Variants in FARP1 observed in about 807,000 individuals in gnomAD.
The protein encoded by FARP1 is FERM, ARH/RhoGEF and pleckstrin domain protein 1, also known as FERM, ARHGEF and pleckstrin domain-containing protein 1.
A neutral mutation model predicts 128.8 loss-of-function variants in FARP1; 52 were observed. That is an observed-to-expected ratio of 0.40 (90% CI 0.32 to 0.51). The LOEUF (loss-of-function observed/expected upper bound fraction) is 0.51. Ranked by LOEUF, FARP1 falls within the 20% of genes least tolerant of loss-of-function variation. The pLI, the probability that FARP1 is intolerant of heterozygous loss-of-function variation, is 0.45. For synonymous variants in FARP1, 580 were observed against 551.8 expected, an observed-to-expected ratio of 1.05 and a Z score of -0.72; for missense variants, 1,333 against 1,367.9, an observed-to-expected ratio of 0.97 and a Z score of 0.40.
chr13:98,299,833 C>T (rs1019937586), intron 2 of FARP1, among the ~76,000 whole-genome samples: 1 of 152,172 alleles, frequency 6.6e-6, no homozygotes, highest in South Asian at 2.1e-4. Flanking sequence ...TTTTAATAAT[C>T]GGTACATTTA....
Position 98,343,757 on chromosome 13 carries a change from C to A in FARP1, c.172-5C>A, listed in dbSNP as rs369963967. On this transcript the variant is annotated splice_polypyrimidine_tract_variant and splice_region_variant and intron_variant, in intron 2 of 26. Transcript: ENST00000319562. Reference sequence around the variant, plus strand: ...AGGGATAACCCCTGTTGTTTCTGCTCACAGCAAAGAGCTCCTGGGAAGGTG... The same window carrying A: ...AGGGATAACCCCTGTTGTTTCTGCTAACAGCAAAGAGCTCCTGGGAAGGTG... 1.2e-6 allele frequency: 2 copies of A among 1,608,872 alleles called. No individual in the cohort carries two copies. Among genetic ancestry groups the A allele is most frequent in the Non-Finnish European group, 1.7e-6 (2 of 1,175,276 alleles).
chr13:98,218,520 C>T (rs1428123703), intron 2 of FARP1, among the ~76,000 whole-genome samples: 2 of 152,178 alleles, frequency 1.3e-5, no homozygotes, highest in Non-Finnish European at 1.5e-5. Flanking sequence ...ATTCTCCAGA[C>T]AGATGGTAAA....
At chr13:98,172,276 T>A (rs1315745989) in intron 1 of FARP1, among the ~76,000 whole-genome samples, 2 of 136,244 alleles carry the variant, frequency 1.5e-5, no homozygotes, top group African/African-American at 2.8e-5. Flanking sequence ...CGGCCCAGAG[T>A]GCTTGGAAGG....
intron 2 of FARP1, chr13:98,244,410 CTTTA>C (rs1882945556): frequency 7.6e-7 from 1 of 1,309,326 alleles, no homozygotes; most frequent in African/African-American, 1.5e-5. Flanking sequence ...TGCTGTGTCT[CTTTA>C]TTGTTACTGT....
At chr13:98,374,849 A>T (rs1489112255) in intron 5 of FARP1, among the ~76,000 whole-genome samples, 1 of 152,240 alleles carries the variant, frequency 6.6e-6, no homozygotes, top group Non-Finnish European at 1.5e-5. Flanking sequence ...GGGAGCTGGC[A>T]TGTGCAGAGA....
Position 98,437,645 on chromosome 13 carries a change from T to C in FARP1, c.2275-1159T>C, listed in dbSNP as rs992396580. 14 of 618,130 alleles carry C rather than the reference T, an allele frequency of 2.3e-5. 1 individual carries two copies. Among genetic ancestry groups the C allele is most frequent in the African/African-American group, 1.6e-4 (9 of 55,216 alleles). The allele number at this position is 618,130 out of a possible 1,614,324, so 38.3% of individuals were successfully genotyped here. A position where few individuals can be genotyped will look rare whatever the true frequency, so the allele number is the denominator to read the frequency against. On this transcript the variant is annotated intron_variant, in intron 19 of 26. Transcript: ENST00000319562. ...TTTCTATCAGCCAAGGCTCTGGTGA[T>C]AGCTGGGCGCAGGAAGATGGTGAGT...
chr13:98,424,713 G>A (rs1891715044), intron 17 of FARP1, 63 bp downstream of exon 17: 2 of 1,114,150 alleles, frequency 1.8e-6, no homozygotes, highest in Admixed American at 1.7e-5. Context: ...GGGCTGCCAT[G>A]GGCATAGGCT....
At chr13:98,259,270 A>G (rs1039748704) in intron 2 of FARP1, among the ~76,000 whole-genome samples, 1 of 150,496 alleles carries the variant, frequency 6.6e-6, no homozygotes, top group Non-Finnish European at 1.5e-5. Flanking sequence ...TATATAGAGT[A>G]TATGTATATA....
chr13:98,182,809 C>T (rs1878622479), intron 1 of FARP1, among the ~76,000 whole-genome samples: 1 of 152,204 alleles, frequency 6.6e-6, no homozygotes, highest in Non-Finnish European at 1.5e-5. Flanking sequence ...TCTTTTTTAG[C>T]ACTGGATATT....
At chr13:98,222,508 C>T (rs1456544859) in intron 2 of FARP1, among the ~76,000 whole-genome samples, 2 of 152,162 alleles carry the variant, frequency 1.3e-5, no homozygotes, top group Non-Finnish European at 2.9e-5. Flanking sequence ...GGACCACATA[C>T]ACCTAAGCCT....
intron 2 of FARP1, among the ~76,000 whole-genome samples, chr13:98,311,583 GCA>G (rs1886461608): frequency 6.6e-6 from 1 of 151,130 alleles, no homozygotes; most frequent in Admixed American, 6.6e-5. Flanking sequence ...GTGTGTGTGT[GCA>G]CACACGTGCA....
At chr13:98,389,928 A>T in intron 9 of FARP1, 29 bp from the exon 10 acceptor site, 1 of 1,611,246 alleles carries the variant, frequency 6.2e-7, no homozygotes, top group South Asian at 1.1e-5. Context: ...GGTAATGGAA[A>T]AAACCACCGT....
At chr13:98,425,974 A>G (rs1293831666) in intron 17 of FARP1, among the ~76,000 whole-genome samples, 2 of 152,184 alleles carry the variant, frequency 1.3e-5, no homozygotes, top group African/African-American at 4.8e-5. Context: ...CTGTATGACA[A>G]CCTTAAAAAC....
At chr13:98,307,495 G>A (rs895274131) in intron 2 of FARP1, among the ~76,000 whole-genome samples, 10 of 152,050 alleles carry the variant, frequency 6.6e-5, no homozygotes, top group Non-Finnish European at 8.8e-5. Flanking sequence ...GCCCAGCCTT[G>A]TGGGTGTCCC....
At chr13:98,296,462 G>T (rs753953782) in intron 2 of FARP1, among the ~76,000 whole-genome samples, 4 of 152,024 alleles carry the variant, frequency 2.6e-5, no homozygotes, top group Non-Finnish European at 5.9e-5. Flanking sequence ...GTTCTCGCCA[G>T]AGTGGACATG....
chr13:98,302,708 G>T (rs1208182635), intron 2 of FARP1, among the ~76,000 whole-genome samples: 1 of 152,204 alleles, frequency 6.6e-6, no homozygotes, highest in East Asian at 1.9e-4. Flanking sequence ...CTCAGTTGTG[G>T]GATGCATTTC....
chr13:98,394,610 T>C (rs1396862795), intron 12 of FARP1, among the ~76,000 whole-genome samples: 1 of 152,202 alleles, frequency 6.6e-6, no homozygotes, highest in Non-Finnish European at 1.5e-5. Context: ...AAAGCCAGCC[T>C]GGGCAACGTA....
At chr13:98,288,171 T>C (rs1312941912) in intron 2 of FARP1, among the ~76,000 whole-genome samples, 1 of 152,122 alleles carries the variant, frequency 6.6e-6, no homozygotes, top group Non-Finnish European at 1.5e-5. Flanking sequence ...TCATGGAGCT[T>C]AGGGTCGCTG....
intron 1 of FARP1, among the ~76,000 whole-genome samples, chr13:98,188,293 C>T (rs943299325): frequency 2.6e-5 from 4 of 152,124 alleles, no homozygotes; most frequent in Non-Finnish European, 5.9e-5. Context: ...GTGGCTCACA[C>T]CTGTAATCCC....
Sources: allele counts gnomAD v4.1 joint callset (sites outside exome capture counted in the v4.1 genomes callset), GRCh38; gene constraint gnomAD v4.1.1; transcripts MANE v1.5; gene names NCBI Gene and HGNC (gene_info 2026-07-23, HGNC 2026-07-21).